The following BFSP2 variants were observed in gnomAD, a reference collection of about 807,000 sequenced individuals.
BFSP2 encodes phakinin.
BFSP2 carries 38 observed loss-of-function variants against 44.9 expected under a neutral mutation model. The ratio of observed to expected loss-of-function variants is 0.85; its 90% confidence interval spans 0.65 to 1.11. The LOEUF (loss-of-function observed/expected upper bound fraction) is 1.11. Ranked by LOEUF, BFSP2 falls within the 50% of genes least tolerant of loss-of-function variation. BFSP2 has a pLI of 0.00. For synonymous variants in BFSP2, 197 were observed against 209.9 expected, an observed-to-expected ratio of 0.94 and a Z score of 0.53; for missense variants, 525 against 533.0, an observed-to-expected ratio of 0.99 and a Z score of 0.15.
At chr3:133,407,860 C>T (rs79368554) in intron 1 of BFSP2, among the ~76,000 whole-genome samples, 2 of 151,968 alleles carry the variant, frequency 1.3e-5, no homozygotes, top group African/African-American at 4.8e-5. Flanking sequence ...CCATTTCTTG[C>T]TGTACCCTAG....
At chr3:133,457,592 G>C (rs528184326) in intron 4 of BFSP2, among the ~76,000 whole-genome samples, 1 of 152,158 alleles carries the variant, frequency 6.6e-6, no homozygotes, top group South Asian at 2.1e-4. Flanking sequence ...GTAGTATTCA[G>C]AACATACTGC....
At chr3:133,438,277 A>G (rs2073810217) in intron 1 of BFSP2, among the ~76,000 whole-genome samples, 2 of 152,256 alleles carry the variant, frequency 1.3e-5, no homozygotes. Context: ...CTTTAATCCC[A>G]GCACTTTGGG....
At chr3:133,444,113 T>TAC (rs1219220683) in intron 1 of BFSP2, among the ~76,000 whole-genome samples, 2 of 151,618 alleles carry the variant, frequency 1.3e-5, no homozygotes, top group Admixed American at 1.3e-4. Context: ...TGTATATATA[T>TAC]ACATATATAT....
At chr3:133,419,494 A>T (rs1477896171) in intron 1 of BFSP2, among the ~76,000 whole-genome samples, 3 of 152,154 alleles carry the variant, frequency 2.0e-5, no homozygotes, top group African/African-American at 7.2e-5. Flanking sequence ...CCCACAGTCT[A>T]TGTAGAGTGC....
intron 1 of BFSP2, among the ~76,000 whole-genome samples, chr3:133,422,376 G>C (rs531904111): frequency 9.2e-5 from 14 of 152,138 alleles, no homozygotes; most frequent in Non-Finnish European, 1.9e-4. Context: ...TAGAATTCTG[G>C]TAGGTAGATG....
At chr3:133,407,173 G>A (rs2073411744) in intron 1 of BFSP2, among the ~76,000 whole-genome samples, 1 of 152,162 alleles carries the variant, frequency 6.6e-6, no homozygotes, top group Non-Finnish European at 1.5e-5. Context: ...CTTGAGCCCA[G>A]GAGTTCAAGA....
intron 1 of BFSP2, among the ~76,000 whole-genome samples, chr3:133,406,555 C>T (rs2073406514): frequency 2.0e-5 from 3 of 151,912 alleles, no homozygotes; most frequent in African/African-American, 4.9e-5. Flanking sequence ...CTAGCCTTGC[C>T]GCTTGCCATC....
intron 4 of BFSP2, among the ~76,000 whole-genome samples, chr3:133,453,902 T>G (rs1488362544): frequency 6.6e-6 from 1 of 152,212 alleles, no homozygotes; most frequent in African/African-American, 2.4e-5. Context: ...GTCAGTGCAG[T>G]ATTCATATTC....
At chr3:133,416,274 CCCCTGTCCTCTGCCCTCTACTCAA>C in intron 1 of BFSP2, among the ~76,000 whole-genome samples, 1 of 144,684 alleles carries the variant, frequency 6.9e-6, no homozygotes, top group East Asian at 2.1e-4. Context: ...CCTCTACTCA[CCCCTGTCCTCTGCCCTCTACTCAA>C]CTCTGTCCTC....
chr3:133,423,204 C>T (rs1012866051), intron 1 of BFSP2, among the ~76,000 whole-genome samples: 6 of 151,930 alleles, frequency 3.9e-5, no homozygotes, highest in African/African-American at 1.5e-4. Context: ...AGGGAGACTG[C>T]AACAGAATAT....
intron 1 of BFSP2, among the ~76,000 whole-genome samples, chr3:133,437,674 A>G (rs1326096082): frequency 6.6e-6 from 1 of 151,272 alleles, no homozygotes; most frequent in Non-Finnish European, 1.5e-5. Context: ...GAAAGAAAGA[A>G]AAAGAAAGAA....
intron 1 of BFSP2, among the ~76,000 whole-genome samples, chr3:133,404,240 G>A (rs1248121557): frequency 6.6e-6 from 1 of 152,196 alleles, no homozygotes; most frequent in Non-Finnish European, 1.5e-5. Flanking sequence ...TGTTTTAAAA[G>A]TGAAGTCTTG....
chr3:133,465,712 T>C (rs541184159), intron 4 of BFSP2, among the ~76,000 whole-genome samples: 1 of 152,346 alleles, frequency 6.6e-6, no homozygotes, highest in Non-Finnish European at 1.5e-5. Context: ...ACTCCTGGTT[T>C]GAGGGCGGTA....
chr3:133,408,695 T>C (rs1454888581), intron 1 of BFSP2, among the ~76,000 whole-genome samples: 1 of 152,234 alleles, frequency 6.6e-6, no homozygotes, highest in East Asian at 1.9e-4. Flanking sequence ...ATAGCTACTA[T>C]GGAGTGATGA....
intron 1 of BFSP2, among the ~76,000 whole-genome samples, chr3:133,431,475 T>C (rs2107905596): frequency 6.6e-6 from 1 of 152,224 alleles, no homozygotes; most frequent in South Asian, 2.1e-4. Context: ...CCGTGTCCCA[T>C]CTGTGCGGGA....
At chr3:133,462,590 T>C (rs1332671292) in intron 4 of BFSP2, among the ~76,000 whole-genome samples, 1 of 152,206 alleles carries the variant, frequency 6.6e-6, no homozygotes, top group Non-Finnish European at 1.5e-5. Context: ...CTGGGTGAAA[T>C]ATATGTATAT....
chr3:133,457,003 A>G (rs1347026733), intron 4 of BFSP2, among the ~76,000 whole-genome samples: 2 of 152,238 alleles, frequency 1.3e-5, no homozygotes, highest in Non-Finnish European at 2.9e-5. Context: ...GCTTTTACCA[A>G]CAAGAGTCAA....
In BFSP2 at chr3:133,447,309, C is replaced by T. The variant is rs371537108; in HGVS notation, c.490-8C>T. On this transcript the variant is annotated splice_region_variant and splice_polypyrimidine_tract_variant and intron_variant, in intron 1 of 6. Transcript: ENST00000302334. ...CCTTGTCTCCTTTGGTGTGTGTGAT[C>T]GCTCTAGGTGGGTGAGGCAGTCTTG... 46 of 1,613,720 alleles carry T rather than the reference C, an allele frequency of 2.9e-5. No homozygotes were observed. The Admixed American group carries it at 3.5e-4, about 12-fold the overall frequency.
At chr3:133,409,492 C>A (rs1281173329) in intron 1 of BFSP2, among the ~76,000 whole-genome samples, 1 of 152,048 alleles carries the variant, frequency 6.6e-6, no homozygotes, top group Non-Finnish European at 1.5e-5. Flanking sequence ...GCCAACTTAG[C>A]GACAATGAAC....
Sources: gnomAD v4.1 joint callset for allele counts (sites outside exome capture counted in the v4.1 genomes callset) on GRCh38, gnomAD v4.1.1 for gene constraint, MANE v1.5 for transcripts, NCBI Gene and HGNC (gene_info 2026-07-23, HGNC 2026-07-21) for gene names.